The following STX7 variants were observed in gnomAD, a reference collection of about 807,000 sequenced individuals.
STX7 encodes the protein syntaxin 7, also known as syntaxin-7.
In STX7, 34 loss-of-function variants were observed where a neutral mutation model predicts 39.6. That is an observed-to-expected ratio of 0.86 (90% CI 0.65 to 1.14). The LOEUF (loss-of-function observed/expected upper bound fraction) is 1.14. Ranked by LOEUF, STX7 falls within the 50% of genes most tolerant of loss-of-function variation. STX7 has a pLI of 0.00. For synonymous variants in STX7, 119 were observed against 99.1 expected, an observed-to-expected ratio of 1.20 and a Z score of -1.19; for missense variants, 284 against 310.4, an observed-to-expected ratio of 0.92 and a Z score of 0.64.
Position 132,450,238 on chromosome 6 carries a change from G to A in STX7, c.*10520C>T, listed in dbSNP as rs985967295. 2 of 152,136 alleles carry A rather than the reference G, an allele frequency of 1.3e-5. No individual in the cohort carries two copies. Among genetic ancestry groups the A allele is most frequent in the African/African-American group, 4.8e-5 (2 of 41,418 alleles). 9.4% of individuals were successfully genotyped at this position (152,136 alleles called of 1,614,324 possible). On this transcript the variant is annotated 3_prime_UTR_variant, in exon 10 of 10. Transcript: ENST00000367941. ...ACTGTATTTTAGCAGGAGGATCCTT[G>A]AGTATACCTAGTCAACCATATGGCA...
intron 2 of STX7, among the ~76,000 whole-genome samples, chr6:132,501,136 T>C (rs531449609): frequency 6.6e-6 from 1 of 151,014 alleles, no homozygotes; most frequent in East Asian, 2.0e-4. Flanking sequence ...CACTGCAACC[T>C]CCGCCTCCCA....
chr6:132,469,919 G>A (rs1315876659), intron 7 of STX7, 32 bp downstream of exon 7: 5 of 1,537,142 alleles, frequency 3.3e-6, no homozygotes, highest in African/African-American at 1.4e-5. Context: ...TAAGACCAGA[G>A]CAGCAGCCCA....
intron 9 of STX7, among the ~76,000 whole-genome samples, chr6:132,461,422 T>C (rs899806161): frequency 6.6e-6 from 1 of 152,132 alleles, no homozygotes; most frequent in African/African-American, 2.4e-5. Flanking sequence ...TTCTCCTGCC[T>C]CAGCCTCCCA....
chr6:132,475,541 A>C, intron 3 of STX7, 52 bp downstream of exon 3: 1 of 1,284,994 alleles, frequency 7.8e-7, no homozygotes, highest in Non-Finnish European at 1.1e-6. Context: ...GCAACAGAAT[A>C]ATAGCAATAG....
intron 8 of STX7, 109 bp from the exon 9 acceptor site, chr6:132,464,184 G>C: frequency 9.2e-7 from 1 of 1,081,826 alleles, no homozygotes; most frequent in Non-Finnish European, 1.4e-6. Flanking sequence ...ATTATTCAAA[G>C]GTTAATAGTA....
At chr6:132,476,776 T>A (rs2114395636) in intron 2 of STX7, among the ~76,000 whole-genome samples, 1 of 152,200 alleles carries the variant, frequency 6.6e-6, no homozygotes. Flanking sequence ...TCCGGAAGTC[T>A]ATGACTATTG....
chr6:132,485,608 A>G (rs116819375), intron 2 of STX7, among the ~76,000 whole-genome samples: 3,558 of 152,334 alleles, frequency 0.023, 127 homozygotes, highest in African/African-American at 0.08. Context: ...TTACAAAGTG[A>G]TGCCACTTTA....
Position 132,483,723 on chromosome 6 carries a change from T to C in STX7, c.86-8061A>G, listed in dbSNP as rs565750864. On this transcript the variant is annotated intron_variant, in intron 2 of 9. Coordinates refer to ENST00000367941, the MANE Select transcript of STX7 (RefSeq NM_003569.3). ...TTCTTCCCCTTCTAGAAGGTATGGA[T>C]AGTAGGATATGTGGTTCACAGGATC... Among the ~76,000 whole-genome samples, 104 of 152,300 alleles carry C rather than the reference T, an allele frequency of 6.8e-4. 1 individual carries two copies. The highest frequency in any genetic ancestry group is 1.3e-3 in the Admixed American group (20 of 15,306).
chr6:132,490,100 G>C (rs1311454394), intron 2 of STX7, among the ~76,000 whole-genome samples: 1 of 152,196 alleles, frequency 6.6e-6, no homozygotes, highest in Non-Finnish European at 1.5e-5. Flanking sequence ...AAGCAACAAC[G>C]GTTCCATAAC....
intron 1 of STX7, among the ~76,000 whole-genome samples, chr6:132,509,496 AC>A (rs1480554849): frequency 3.2e-5 from 4 of 123,706 alleles, no homozygotes; most frequent in African/African-American, 1.4e-4. Context: ...ACATAACATA[AC>A]ATAACATAAC....
chr6:132,503,526 G>A lies in STX7; in HGVS notation c.5C>T (p.Ser2Phe). 6.2e-7 allele frequency: 1 copy of A among 1,613,724 alleles called. No homozygotes were observed. The highest frequency in any genetic ancestry group is 8.5e-7 in the Non-Finnish European group (1 of 1,179,686). ...GTCACCACCAACTCCTGGAGTGTAA[G>A]ACATGGTTGATGTTCTTATTCGCTA... M[S>F]YTPGVGGDPA... Residue 2 changes from serine (S) to phenylalanine (F), a missense_variant, in exon 2 of 10, where the codon TCT becomes TTT. Ser to Phe is a radical substitution (Grantham distance 155). Coordinates refer to ENST00000367941, the MANE Select transcript of STX7 (RefSeq NM_003569.3).
chr6:132,468,527 TAA>T (rs1239548115), intron 7 of STX7, 52 bp from the exon 8 acceptor site: 15 of 1,464,252 alleles, frequency 1.0e-5, no homozygotes, highest in Non-Finnish European at 1.4e-5. Flanking sequence ...CCCCATTCCA[TAA>T]AAGAGGAAAA....
At chr6:132,485,004 G>GT (rs1448138435) in intron 2 of STX7, among the ~76,000 whole-genome samples, 2 of 152,094 alleles carry the variant, frequency 1.3e-5, no homozygotes, top group Non-Finnish European at 2.9e-5. Flanking sequence ...TCTTATTAAC[G>GT]TTTTTTATTT....
rs1452551303 is a variant in STX7 at position 132,457,668 on chromosome 6, A to G, written c.*3090T>C. The G allele has an allele frequency of 1.3e-5, 2 of 152,208 alleles. No individual in the cohort carries two copies. Among genetic ancestry groups the G allele is most frequent in the African/African-American group, 4.8e-5 (2 of 41,458 alleles). 9.4% of individuals were successfully genotyped at this position (152,208 alleles called of 1,614,324 possible). ...TTTGTTTTAACTGAATCATGAAAAT[A>G]CACAACTTTTTTTTTTCCAGGAAAG... On this transcript the variant is annotated 3_prime_UTR_variant, in exon 10 of 10. Transcript: ENST00000367941.
At chr6:132,486,111 G>A (rs141502077) in intron 2 of STX7, among the ~76,000 whole-genome samples, 460 of 152,232 alleles carry the variant, frequency 3.0e-3, no homozygotes, top group African/African-American at 0.011. Context: ...TTAAATTGTA[G>A]ATTCCATCAG....
In STX7 at chr6:132,458,746, T is replaced by TGGGAAATTTTTCC. The variant is rs1425162683; in HGVS notation, c.*1999_*2011dup. 4.6e-5 allele frequency: 7 copies of TGGGAAATTTTTCC among 152,218 alleles called. No individual in the cohort carries two copies. Among genetic ancestry groups the TGGGAAATTTTTCC allele is most frequent in the Non-Finnish European group, 1.0e-4 (7 of 68,030 alleles). 9.4% of individuals were successfully genotyped at this position (152,218 alleles called of 1,614,324 possible). ...CTACTCTTACGTTCCAAATATTTCATGGGAAATTTTTCCCTCAAACTTAAT... is the reference window on the plus strand; with the variant it reads ...CTACTCTTACGTTCCAAATATTTCATGGGAAATTTTTCCGGGAAATTTTTCCCTCAAACTTAAT... On this transcript the variant is annotated 3_prime_UTR_variant, in exon 10 of 10. Transcript: ENST00000367941.
At chr6:132,503,281 T>C (rs1474440938) in intron 2 of STX7, among the ~76,000 whole-genome samples, 165 bp downstream of exon 2, 6 of 152,244 alleles carry the variant, frequency 3.9e-5, no homozygotes, top group Non-Finnish European at 7.3e-5. Context: ...TTATCTCAAA[T>C]ATAATTCTCT....
chr6:132,452,475 AT>A lies in STX7; in HGVS notation c.*8282del, dbSNP rs1235534612. On this transcript the variant is annotated 3_prime_UTR_variant, in exon 10 of 10. Transcript: ENST00000367941. ...ATTTGCAGATGACATGACTATCTAT[AT>A]AAAAAAAAAATCCCAAGGAATCAAT... 2 of 131,980 alleles carry A rather than the reference AT, an allele frequency of 1.5e-5. No homozygotes were observed. The highest frequency in any genetic ancestry group is 5.3e-5 in the African/African-American group (2 of 37,638). 8.2% of individuals were successfully genotyped at this position (131,980 alleles called of 1,614,324 possible). A position where few individuals can be genotyped will look rare whatever the true frequency, so the allele number is the denominator to read the frequency against.
chr6:132,459,051 C>G lies in STX7; in HGVS notation c.*1707G>C, dbSNP rs146853926. On this transcript the variant is annotated 3_prime_UTR_variant, in exon 10 of 10. Coordinates refer to ENST00000367941, the MANE Select transcript of STX7 (RefSeq NM_003569.3). ...ATGGGACTTTAAAACAGCGGTAAGACGCTGGTTTATCACCAGAAACCTCAT... is the reference window on the plus strand; with the variant it reads ...ATGGGACTTTAAAACAGCGGTAAGAGGCTGGTTTATCACCAGAAACCTCAT... 1 of 152,128 alleles carries G rather than the reference C, an allele frequency of 6.6e-6. No homozygotes were observed. The highest frequency in any genetic ancestry group is 1.5e-5 in the Non-Finnish European group (1 of 68,014). The allele number at this position is 152,128 out of a possible 1,614,324, so 9.4% of individuals were successfully genotyped here. A position where few individuals can be genotyped will look rare whatever the true frequency, so the allele number is the denominator to read the frequency against.
Sources: gnomAD v4.1 joint callset for allele counts (sites outside exome capture counted in the v4.1 genomes callset) on GRCh38, gnomAD v4.1.1 for gene constraint, MANE v1.5 for transcripts, NCBI Gene and HGNC (gene_info 2026-07-23, HGNC 2026-07-21) for gene names.